The following PTPRS variants were observed in gnomAD, a reference collection of about 807,000 sequenced individuals.
The protein encoded by PTPRS is protein tyrosine phosphatase receptor type S, also known as receptor-type tyrosine-protein phosphatase S.
A neutral mutation model predicts 215.3 loss-of-function variants in PTPRS; 63 were observed. The observed-to-expected ratio is 0.29, with a 90% CI of 0.24 to 0.36. The LOEUF is 0.36. Ranked by LOEUF, PTPRS falls within the 10% of genes least tolerant of loss-of-function variation. The pLI is 1.00. For missense variants in PTPRS, 2,258 were observed against 2,825.8 expected (o/e 0.80, Z 4.56); for synonymous variants, 1,404 against 1,191.4 (o/e 1.18, Z -3.68).
chr19:5,268,279 T>C (rs1310415210), intron 4 of PTPRS, among the ~76,000 whole-genome samples: 1 of 152,188 alleles, frequency 6.6e-6, no homozygotes, highest in Non-Finnish European at 1.5e-5. Flanking sequence ...AGTTTTGGGT[T>C]GTTGCTGCGA....
chr19:5,230,241 T>C (rs1165004753), intron 14 of PTPRS, among the ~76,000 whole-genome samples: 1 of 152,216 alleles, frequency 6.6e-6, no homozygotes. Flanking sequence ...ATAATGGGGC[T>C]GTCCAACGAA....
At chr19:5,297,885 C>T (rs925447818) in intron 1 of PTPRS, among the ~76,000 whole-genome samples, 2 of 151,598 alleles carry the variant, frequency 1.3e-5, no homozygotes, top group South Asian at 2.1e-4. Flanking sequence ...CTCTGCCTCC[C>T]GGGTTCACAC....
chr19:5,318,205 G>C (rs2049930740), intron 1 of PTPRS, among the ~76,000 whole-genome samples: 1 of 151,968 alleles, frequency 6.6e-6, no homozygotes, highest in African/African-American at 2.4e-5. Context: ...GCCAAGTGTG[G>C]TGGCGCTTGC....
At chr19:5,241,922 G>A (rs1478538359) in intron 11 of PTPRS, among the ~76,000 whole-genome samples, 1 of 151,994 alleles carries the variant, frequency 6.6e-6, no homozygotes, top group Non-Finnish European at 1.5e-5. Context: ...CACAACCTCC[G>A]CTTCCTGGGT....
In PTPRS at chr19:5,229,640, C is replaced by G; in HGVS notation, c.2200G>C (p.Ala734Pro). The G allele has an allele frequency of 7.5e-7, 1 of 1,332,192 alleles. No homozygotes were observed. Among genetic ancestry groups the G allele is most frequent in the Admixed American group, 3.8e-5 (1 of 26,438 alleles). The allele number at this position is 1,332,192 out of a possible 1,614,324, so 82.5% of individuals were successfully genotyped here. The change falls in exon 15 of 38, where the codon GCC (alanine) becomes CCC (proline). Residue 734 changes from alanine to proline, a missense_variant. Ala to Pro is a conservative substitution (Grantham distance 27). Transcript: ENST00000262963. ...PRKVEAEALNATAIRVLWRSP... is the reference protein window; with the variant it reads ...PRKVEAEALNPTAIRVLWRSP... The stretch of plus-strand genomic sequence containing the variant: ...CGCCACAGCACGCGGATGGCCGTGG[C>G]GTTGAGCGCCTCCGCCTCCACCTTC...
In PTPRS at chr19:5,323,216, G is replaced by A. The variant is rs568220649; in HGVS notation, c.-95+17448C>T. On this transcript the variant is annotated intron_variant, in intron 1 of 37. Coordinates refer to ENST00000262963, the MANE Select transcript of PTPRS (RefSeq NM_002850.4). ...TACTAAAAATACAGAAAAATTAGCT[G>A]GGCATGGTGGCACATGCCTGTAATC... 3.3e-5 allele frequency among the ~76,000 whole-genome samples: 5 copies of A among 152,178 alleles called. No homozygotes were observed. The East Asian group carries it at 9.7e-4, about 30-fold the overall frequency.
intron 1 of PTPRS, among the ~76,000 whole-genome samples, chr19:5,298,689 G>A (rs923769855): frequency 1.3e-4 from 20 of 152,226 alleles, no homozygotes; most frequent in African/African-American, 4.3e-4. Context: ...GCACCGCAGC[G>A]GGCATGATGC....
chr19:5,330,762 C>A (rs892699488), intron 1 of PTPRS, among the ~76,000 whole-genome samples: 4 of 152,186 alleles, frequency 2.6e-5, no homozygotes, highest in Non-Finnish European at 5.9e-5. Context: ...ACCCCTAATG[C>A]CCTTCCCCAG....
At position 5,273,523 on chromosome 19, in the gene PTPRS, G is replaced by A. The variant is rs1397380294; in HGVS notation, c.298C>T (p.Arg100Trp). 1 of 1,614,104 alleles carries A rather than the reference G, an allele frequency of 6.2e-7. No individual in the cohort carries two copies. The highest frequency in any genetic ancestry group is 8.5e-7 in the Non-Finnish European group (1 of 1,180,010). Residue 100 changes from arginine to tryptophan, a missense_variant, in exon 4 of 38, where the codon CGG becomes TGG. This residue lies in a region of PTPRS where 508 missense variants were observed against 799.4 expected (regional missense o/e 0.64). Transcript: ENST00000262963. ...ACACACTCGTACACGTTTTCATCCC[G>A]CGGTGTCCTCAGCGGCTGGATCCTC... ...VLRIQPLRTP[R>W]DENVYECVAQ...
At chr19:5,335,670 C>T (rs2050472598) in intron 1 of PTPRS, among the ~76,000 whole-genome samples, 2 of 152,236 alleles carry the variant, frequency 1.3e-5, no homozygotes, top group East Asian at 1.9e-4. Flanking sequence ...ATAAAGAGTA[C>T]GAGATGAAAT....
rs764930008 is a variant in PTPRS at position 5,229,284 on chromosome 19, G to T, written c.2376+32C>A. 3 of 1,377,590 alleles carry T rather than the reference G, an allele frequency of 2.2e-6. No homozygotes were observed. The South Asian group carries it at 6.2e-5, about 29-fold the overall frequency. 85.3% of individuals were successfully genotyped at this position (1,377,590 alleles called of 1,614,324 possible). A position where few individuals can be genotyped will look rare whatever the true frequency, so the allele number is the denominator to read the frequency against. ...CAGCACGGCCCGCGGGAAGCGCACA[G>T]CAGTAGGTGGGTGGCCAGGGGCGCT... On this transcript the variant is annotated intron_variant, in intron 16 of 37. Transcript: ENST00000262963.
rs201545244 is a variant in PTPRS at position 5,222,216 on chromosome 19, C to T, written c.3108G>A (p.Ser1036=). Residue 1036 remains serine (S), a synonymous_variant, in exon 19 of 38, where the codon TCG becomes TCA. Transcript: ENST00000262963. ...RYRTFLRDQV[S]PKNFKVKMIM... Reference sequence around the variant, plus strand: ...TCATTTTCACCTTGAAGTTCTTGGGCGAGACTGCCGGGGAGGCGGCCGAGC... The same window carrying T: ...TCATTTTCACCTTGAAGTTCTTGGGTGAGACTGCCGGGGAGGCGGCCGAGC... 18 of 1,613,472 alleles carry T rather than the reference C, an allele frequency of 1.1e-5. No homozygotes were observed. Among genetic ancestry groups the T allele is most frequent in the East Asian group, 2.2e-5 (1 of 44,862 alleles).
At chr19:5,238,389 C>T (rs1200362520) in intron 13 of PTPRS, among the ~76,000 whole-genome samples, 6 of 152,156 alleles carry the variant, frequency 3.9e-5, no homozygotes, top group Admixed American at 2.0e-4. Context: ...TCCCCACCCT[C>T]GGGAACTGGG....
intron 9 of PTPRS, among the ~76,000 whole-genome samples, chr19:5,252,514 T>A (rs1000855953): frequency 4.2e-5 from 6 of 142,512 alleles, no homozygotes; most frequent in African/African-American, 7.9e-5. Context: ...GAGGCGGAGG[T>A]TGCAGTGAGC....
intron 1 of PTPRS, among the ~76,000 whole-genome samples, chr19:5,325,754 A>G (rs185275818): frequency 1.3e-5 from 2 of 152,384 alleles, no homozygotes; most frequent in Admixed American, 6.5e-5. Flanking sequence ...CCTTCTCCTC[A>G]GTAAACAACT....
Position 5,238,983 on chromosome 19 carries a change from C to A in PTPRS, c.1785G>T (p.Ala595=), listed in dbSNP as rs930672376. ...CGCCCAGGCCCTGCGGCGAGCGGGCCGCCAGGCGGAAGGCGTACTCCGTGT... is the reference window on the plus strand; with the variant it reads ...CGCCCAGGCCCTGCGGCGAGCGGGCAGCCAGGCGGAAGGCGTACTCCGTGT... ...KPNTEYAFRL[A]ARSPQGLGAF... is the part of the protein sequence containing the mutation. Residue 595 remains alanine (A), a synonymous_variant, in exon 13 of 38, where the codon GCG becomes GCT. Coordinates refer to ENST00000262963, the MANE Select transcript of PTPRS (RefSeq NM_002850.4). 1.2e-6 allele frequency: 2 copies of A among 1,612,978 alleles called. No homozygotes were observed. The highest frequency in any genetic ancestry group is 2.7e-5 in the African/African-American group (2 of 74,872).
intron 28 of PTPRS, 135 bp from the exon 29 acceptor site, chr19:5,214,871 C>T (rs1227245918): frequency 1.1e-6 from 1 of 946,910 alleles, no homozygotes; most frequent in African/African-American, 1.7e-5. Flanking sequence ...ACGTGTACTT[C>T]ACAGTTTCTC....
chr19:5,271,650 G>A (rs900753066), intron 4 of PTPRS, among the ~76,000 whole-genome samples: 6 of 151,770 alleles, frequency 4.0e-5, no homozygotes, highest in Admixed American at 3.9e-4. Context: ...TGCCCGCCTT[G>A]GCCTCCCAAA....
rs775619490 is a variant in PTPRS, at chr19:5,322,898, A to AAAAAAG, written c.-95+17765_-95+17766insCTTTTT. Among the ~76,000 whole-genome samples the AAAAAAG allele has an allele frequency of 7.4e-3, 887 of 119,962 alleles. 12 individuals are homozygous for AAAAAAG. The highest frequency in any genetic ancestry group is 0.018 in the African/African-American group (588 of 32,838). The allele number at this position is 119,962 out of a possible 152,430, so 78.7% of individuals were successfully genotyped here. A position where few individuals can be genotyped will look rare whatever the true frequency, so the allele number is the denominator to read the frequency against. On this transcript the variant is annotated intron_variant, in intron 1 of 37. Coordinates refer to ENST00000262963, the MANE Select transcript of PTPRS (RefSeq NM_002850.4). ...CCGTCTCAAAAAAAAAAAAAAAAAA[A>AAAAAAG]AAGAAGAAGAAGAAGAAGAAAAAGA...
Sources: gnomAD v4.1 joint callset for allele counts (sites outside exome capture counted in the v4.1 genomes callset) on GRCh38, gnomAD v4.1.1 for gene constraint, gnomAD v4.1.1 regional missense constraint, MANE v1.5 for transcripts, NCBI Gene and HGNC (gene_info 2026-07-23, HGNC 2026-07-21) for gene names.